PLRG1: variants seen among roughly 807,000 people sequenced by gnomAD.
PLRG1 encodes the protein pleiotropic regulator 1, also known as pleiotropic regulator 1 (PRL1 homolog, Arabidopsis).
In PLRG1, 28 loss-of-function variants were observed where a neutral mutation model predicts 74.9. The observed-to-expected ratio is 0.37, with a 90% CI of 0.28 to 0.51. PLRG1 has a LOEUF of 0.51. Among genes scored for constraint, PLRG1 ranks in the 20% least tolerant of loss-of-function variants. The pLI is 0.91. For missense variants in PLRG1, 445 were observed against 631.9 expected, an observed-to-expected ratio of 0.70 and a Z score of 3.17; for synonymous variants, 197 against 212.4, an observed-to-expected ratio of 0.93 and a Z score of 0.63.
Position 154,540,663 on chromosome 4 carries a change from T to C in PLRG1, c.870A>G (p.Ala290=), listed in dbSNP as rs750313286. The C allele has an allele frequency of 6.2e-7, 1 of 1,613,678 alleles. No homozygotes were observed. The highest frequency in any genetic ancestry group is 2.2e-5 in the East Asian group (1 of 44,890). ...TCGGGTGCAAATCCAAACCATACACTGCACTTAAATGTCCATGATAATGCC... is the reference window on the plus strand; with the variant it reads ...TCGGGTGCAAATCCAAACCATACACCGCACTTAAATGTCCATGATAATGCC... ...VIRHYHGHLS[A]VYGLDLHPTI... Residue 290 remains alanine (A), a synonymous_variant, in exon 10 of 15, where the codon GCA becomes GCG. Coordinates refer to ENST00000499023, the MANE Select transcript of PLRG1 (RefSeq NM_002669.4).
chr4:154,544,653 C>A, intron 6 of PLRG1, 107 bp from the exon 7 acceptor site: 1 of 634,246 alleles, frequency 1.6e-6, no homozygotes, highest in Non-Finnish European at 2.8e-6. Context: ...AAGAATTTTT[C>A]CATAAATGAA....
At chr4:154,545,448 T>C (rs1483071627) in intron 6 of PLRG1, among the ~76,000 whole-genome samples, 1 of 152,136 alleles carries the variant, frequency 6.6e-6, no homozygotes, top group Non-Finnish European at 1.5e-5. Flanking sequence ...AGACTAGTTG[T>C]ATAGCCCATG....
At chr4:154,540,732 T>G in intron 9 of PLRG1, 37 bp from the exon 10 acceptor site, 1 of 1,608,252 alleles carries the variant, frequency 6.2e-7, no homozygotes, top group South Asian at 1.1e-5. Context: ...CTTCTAGAAT[T>G]AGAAAGATAA....
chr4:154,535,582 T>C lies in PLRG1; in HGVS notation c.*1103A>G, dbSNP rs975153776. ...TTTTTAATTTGGAAAATTTAAAAAA[T>C]TGACTGTTCTTATAACTGTGTTTTC... On this transcript the variant is annotated 3_prime_UTR_variant, in exon 15 of 15. Transcript: ENST00000499023. 1.3e-5 allele frequency: 2 copies of C among 151,534 alleles called. No homozygotes were observed. Among genetic ancestry groups the C allele is most frequent in the Non-Finnish European group, 2.9e-5 (2 of 67,860 alleles). 9.4% of individuals were successfully genotyped at this position (151,534 alleles called of 1,614,324 possible). A position where few individuals can be genotyped will look rare whatever the true frequency, so the allele number is the denominator to read the frequency against.
Position 154,547,062 on chromosome 4 carries a change from G to C in PLRG1, c.262C>G (p.Gln88Glu). The change falls in exon 4 of 15, where the codon CAA becomes GAA. Residue 88 changes from glutamine (Q) to glutamate (E), a missense_variant and splice_region_variant. Physicochemically the swap from Gln to Glu is conservative, Grantham distance 29. Coordinates refer to ENST00000499023, the MANE Select transcript of PLRG1 (RefSeq NM_002669.4). ...VHKQYPANQGQEVEYFVAGTH... is the reference protein window; with the variant it reads ...VHKQYPANQGEEVEYFVAGTH... ...CCTGCCACAAAGTATTCAACTTCTTGTCCTAAAAAAACACAAAAAAAATCA... is the reference window on the plus strand; with the variant it reads ...CCTGCCACAAAGTATTCAACTTCTTCTCCTAAAAAAACACAAAAAAAATCA... The C allele has an allele frequency of 4.3e-6, 7 of 1,610,860 alleles. No homozygotes were observed. The highest frequency in any genetic ancestry group is 5.9e-6 in the Non-Finnish European group (7 of 1,177,316).
chr4:154,546,278 T>C (rs1005585829), intron 4 of PLRG1, 65 bp from the exon 5 acceptor site: 3 of 821,254 alleles, frequency 3.7e-6, no homozygotes, highest in Middle Eastern at 2.3e-4. Flanking sequence ...GCACTTAAAA[T>C]AAAATGATGA....
chr4:154,537,166 T>C, intron 14 of PLRG1, 120 bp downstream of exon 14: 1 of 607,572 alleles, frequency 1.6e-6, no homozygotes, highest in Non-Finnish European at 2.8e-6. Flanking sequence ...TGGACACTAT[T>C]CAAGAAGACA....
At chr4:154,546,236 T>A in intron 4 of PLRG1, 23 bp from the exon 5 acceptor site, 1 of 1,226,852 alleles carries the variant, frequency 8.2e-7, no homozygotes, top group Non-Finnish European at 1.2e-6. Flanking sequence ...AAAATCAACT[T>A]CTTTTAGTAG....
At chr4:154,538,159 A>G in intron 12 of PLRG1, 51 bp from the exon 13 acceptor site, 1 of 1,030,178 alleles carries the variant, frequency 9.7e-7, no homozygotes, top group Non-Finnish European at 1.4e-6. Flanking sequence ...AGTTAAATAA[A>G]GTGGTGGGTT....
At chr4:154,538,130 T>C in intron 12 of PLRG1, 22 bp from the exon 13 acceptor site, 1 of 1,343,098 alleles carries the variant, frequency 7.4e-7, no homozygotes, top group Non-Finnish European at 1.0e-6. Context: ...TTAAAAAGAA[T>C]TAACGACAAA....
At chr4:154,549,190 G>GT (rs1729714324) in intron 1 of PLRG1, 1 of 455,354 alleles carries the variant, frequency 2.2e-6, no homozygotes, top group African/African-American at 2.0e-5. Context: ...AGCTCCTACT[G>GT]TGTGTCTGGC....
At chr4:154,547,658 C>T (rs1729682740) in intron 3 of PLRG1, 53 bp downstream of exon 3, 2 of 1,536,188 alleles carry the variant, frequency 1.3e-6, no homozygotes, top group Admixed American at 3.4e-5. Context: ...TTTTATTTTT[C>T]TGTTTTTAAA....
chr4:154,537,606 T>A, intron 13 of PLRG1, 127 bp from the exon 14 acceptor site: 2 of 603,862 alleles, frequency 3.3e-6, no homozygotes, highest in Non-Finnish European at 2.8e-6. Context: ...ACACAGGCAC[T>A]CCACCTTCTC....
Position 154,547,064 on chromosome 4 carries a change from C to G in PLRG1, c.260G>C (p.Gly87Ala). ...YVHKQYPANQ[G>A]QEVEYFVAGT... ...TGCCACAAAGTATTCAACTTCTTGT[C>G]CTAAAAAAACACAAAAAAAATCAAC... The change falls in exon 4 of 15, where the codon GGA (glycine) becomes GCA (alanine). Residue 87 changes from glycine to alanine, a missense_variant and splice_region_variant. Gly to Ala is a moderately conservative substitution (Grantham distance 60, BLOSUM62 0). Transcript: ENST00000499023. The G allele has an allele frequency of 6.2e-7, 1 of 1,610,528 alleles. No individual in the cohort carries two copies. Among genetic ancestry groups the G allele is most frequent in the Non-Finnish European group, 8.5e-7 (1 of 1,177,058 alleles).
In PLRG1 at chr4:154,540,654, A is replaced by G. The variant is rs1428143547; in HGVS notation, c.879T>C (p.Gly293=). 2 of 1,613,714 alleles carry G rather than the reference A, an allele frequency of 1.2e-6. No individual in the cohort carries two copies. The highest frequency in any genetic ancestry group is 1.3e-5 in the African/African-American group (1 of 74,898). The change falls in exon 10 of 15, where the codon GGT becomes GGC. Residue 293 remains glycine (G), a synonymous_variant. Transcript: ENST00000499023. ...CATCGATTGTCGGGTGCAAATCCAA[A>G]CCATACACTGCACTTAAATGTCCAT... ...HYHGHLSAVY[G]LDLHPTIDVL...
chr4:154,546,834 A>G lies in PLRG1; in HGVS notation c.313+177T>C, dbSNP rs916240764. ...GCCTGAAAAATTATACGTACTTAAG[A>G]ATGTTTGCTGAATGAAGGCATATGA... On this transcript the variant is annotated intron_variant, in intron 4 of 14. Coordinates refer to ENST00000499023, the MANE Select transcript of PLRG1 (RefSeq NM_002669.4). 1.3e-5 allele frequency: 8 copies of G among 595,100 alleles called. No homozygotes were observed. The Admixed American group carries it at 2.4e-4, about 18-fold the overall frequency. The allele number at this position is 595,100 out of a possible 1,614,324, so 36.9% of individuals were successfully genotyped here.
In PLRG1 at chr4:154,539,477, A is replaced by G. The variant is rs114061244; in HGVS notation, c.1043-264T>C. 6.9e-3 allele frequency among the ~76,000 whole-genome samples: 1,054 copies of G among 152,190 alleles called. 4 individuals carry two copies. Among genetic ancestry groups the G allele is most frequent in the Non-Finnish European group, 0.012 (835 of 67,956 alleles). The stretch of plus-strand genomic sequence containing the variant: ...ATAACAAATAAATATATAATTGTAT[A>G]CCCTAGTGAAAAGGAAAAAACTTCA... On this transcript the variant is annotated intron_variant, in intron 11 of 14. Coordinates refer to ENST00000499023, the MANE Select transcript of PLRG1 (RefSeq NM_002669.4).
chr4:154,546,101 T>G, intron 5 of PLRG1, 22 bp downstream of exon 5: 4 of 1,391,938 alleles, frequency 2.9e-6, no homozygotes, highest in Non-Finnish European at 3.0e-6. Flanking sequence ...TTTAAGATCT[T>G]TGTAATTATA....
chr4:154,550,288 G>T lies in PLRG1; in HGVS notation c.9+12C>A. ...AGACAAACGACTCTTGAGAGCCCCA[G>T]TGTCACTTTACCTCGACCATGATGC... On this transcript the variant is annotated intron_variant, in intron 1 of 14. Transcript: ENST00000499023. 1 of 1,612,736 alleles carries T rather than the reference G, an allele frequency of 6.2e-7. No individual in the cohort carries two copies. Among genetic ancestry groups the T allele is most frequent in the Non-Finnish European group, 8.5e-7 (1 of 1,178,670 alleles).
Sources: allele counts gnomAD v4.1 joint callset (sites outside exome capture counted in the v4.1 genomes callset), GRCh38; gene constraint gnomAD v4.1.1; transcripts MANE v1.5; gene names NCBI Gene and HGNC (gene_info 2026-07-23, HGNC 2026-07-21).